The following PLXNA4 variants were observed in gnomAD, a reference collection of about 807,000 sequenced individuals.
PLXNA4 encodes plexin-A4.
A neutral mutation model predicts 191.8 loss-of-function variants in PLXNA4; 44 were observed. That is an observed-to-expected ratio of 0.23 (90% confidence interval 0.18 to 0.29). The LOEUF is 0.29. Among genes scored for constraint, PLXNA4 ranks in the 10% least tolerant of loss-of-function variants. The pLI is 1.00. For synonymous variants in PLXNA4, 1,082 were observed against 1,009.5 expected (o/e 1.07, Z -1.36); for missense variants, 1,800 against 2,488.8 (o/e 0.72, Z 5.89).
intron 3 of PLXNA4, among the ~76,000 whole-genome samples, chr7:132,416,187 G>C (rs144583368): frequency 3.4e-4 from 52 of 152,302 alleles, no homozygotes; most frequent in African/African-American, 1.2e-3. Flanking sequence ...ATGGCAAATA[G>C]AAACACTTTT....
upstream of PLXNA4, among the ~76,000 whole-genome samples, chr7:132,581,777 T>C (rs79579652): frequency 0.038 from 5,812 of 152,158 alleles, 271 homozygotes; most frequent in African/African-American, 0.1. Context: ...GGCACCAAAA[T>C]AACTCCCATG....
intron 15 of PLXNA4, among the ~76,000 whole-genome samples, chr7:132,185,939 T>G (rs1432999698): frequency 6.6e-6 from 1 of 152,244 alleles, no homozygotes; most frequent in Non-Finnish European, 1.5e-5. Context: ...CCATCTGTTT[T>G]CCCTGATGCA....
At chr7:132,199,021 C>T (rs755329388) in intron 12 of PLXNA4, among the ~76,000 whole-genome samples, 143 of 152,314 alleles carry the variant, frequency 9.4e-4, no homozygotes, top group Admixed American at 2.7e-3. Flanking sequence ...TCAGAGCCCC[C>T]TACACCTATG....
At chr7:132,558,605 C>T (rs1237246666) in intron 1 of PLXNA4, among the ~76,000 whole-genome samples, 1 of 152,220 alleles carries the variant, frequency 6.6e-6, no homozygotes, top group African/African-American at 2.4e-5. Flanking sequence ...AAATGAGCTA[C>T]AGCAACTTCA....
chr7:132,588,838 G>A (rs763924031), intron 2 of PLXNA4, among the ~76,000 whole-genome samples: 31 of 150,514 alleles, frequency 2.1e-4, no homozygotes, highest in Non-Finnish European at 3.7e-4. Flanking sequence ...AGGAGGGAAG[G>A]AAGGAAGGAA....
At chr7:132,578,754 C>A (rs1470754053), upstream of PLXNA4, among the ~76,000 whole-genome samples, 6 of 152,184 alleles carry the variant, frequency 3.9e-5, no homozygotes, top group African/African-American at 1.4e-4. Flanking sequence ...CAGGAGACAG[C>A]GTGGAGCCCT....
chr7:132,177,823 C>T (rs1484524222), intron 20 of PLXNA4, among the ~76,000 whole-genome samples: 1 of 152,170 alleles, frequency 6.6e-6, no homozygotes, highest in Non-Finnish European at 1.5e-5. Context: ...TTAACAGTCC[C>T]ACAAGGCGGA....
intron 10 of PLXNA4, among the ~76,000 whole-genome samples, chr7:132,208,689 A>C (rs954786959): frequency 2.6e-5 from 4 of 152,060 alleles, no homozygotes; most frequent in Admixed American, 6.6e-5. Flanking sequence ...CCAGGGGAGG[A>C]GCTATGTCAC....
At chr7:132,262,711 A>G (rs933857629) in intron 4 of PLXNA4, among the ~76,000 whole-genome samples, 4 of 152,142 alleles carry the variant, frequency 2.6e-5, no homozygotes, top group Non-Finnish European at 5.9e-5. Flanking sequence ...GAGAGGCACC[A>G]TCTGCTTTGG....
intron 3 of PLXNA4, among the ~76,000 whole-genome samples, chr7:132,325,304 C>T (rs1326090902): frequency 6.6e-6 from 1 of 152,108 alleles, no homozygotes; most frequent in African/African-American, 2.4e-5. Context: ...TTGTTGATAG[C>T]TGAAAAGCAA....
intron 3 of PLXNA4, among the ~76,000 whole-genome samples, chr7:132,336,567 G>T (rs1336433032): frequency 6.6e-6 from 1 of 152,122 alleles, no homozygotes; most frequent in Non-Finnish European, 1.5e-5. Context: ...AAGAGATGGG[G>T]AAGGAGCACT....
At chr7:132,577,543 C>T (rs1802307153), upstream of PLXNA4, among the ~76,000 whole-genome samples, 1 of 152,136 alleles carries the variant, frequency 6.6e-6, no homozygotes, top group African/African-American at 2.4e-5. Context: ...GGGCAGGGGG[C>T]GCCTCCCTAC....
chr7:132,133,057 T>C lies in PLXNA4; in HGVS notation c.5581A>G (p.Ser1861Gly). The C allele has an allele frequency of 6.8e-6, 11 of 1,613,970 alleles. No homozygotes were observed. Among genetic ancestry groups the C allele is most frequent in the Non-Finnish European group, 9.3e-6 (11 of 1,179,912 alleles). ...AGCAGGGCAAAGCTTACCTCCTCGC[T>C]GTATTTGCCCACATAGGAGAAGATC... The part of the protein sequence containing the change: ...SEIFSYVGKY[S>G]EEILGPLDHD... Residue 1861 changes from serine (S) to glycine (G), a missense_variant, in exon 31 of 32, where the codon AGC becomes GGC. Ser to Gly is a moderately conservative substitution (Grantham distance 56). Around this residue, in one of 6 missense-constraint regions of PLXNA4, gnomAD observed 83 missense variants for 81.6 expected, o/e 1.02. Transcript: ENST00000321063.
intron 3 of PLXNA4, among the ~76,000 whole-genome samples, chr7:132,303,153 G>A (rs1185362499): frequency 2.6e-5 from 4 of 151,912 alleles, no homozygotes; most frequent in South Asian, 4.2e-4. Context: ...GATTACAGGC[G>A]TGAGCCACCA....
intron 4 of PLXNA4, among the ~76,000 whole-genome samples, chr7:132,281,300 A>AT (rs938461060): frequency 2.5e-4 from 37 of 150,798 alleles, no homozygotes; most frequent in South Asian, 1.5e-3. Flanking sequence ...ATAAATCAAG[A>AT]TTTTTTTTTT....
chr7:132,591,498 T>C (rs1038587960), intron 2 of PLXNA4, among the ~76,000 whole-genome samples: 2 of 152,218 alleles, frequency 1.3e-5, no homozygotes, highest in Non-Finnish European at 1.5e-5. Context: ...TATTTATTTT[T>C]CTCATTCTTT....
chr7:132,553,048 T>A (rs1030660313), intron 1 of PLXNA4, among the ~76,000 whole-genome samples: 1 of 152,190 alleles, frequency 6.6e-6, no homozygotes, highest in African/African-American at 2.4e-5. Flanking sequence ...TTCTTCCTAA[T>A]TCTGGTTGCT....
At chr7:132,458,854 C>G (rs963326689) in intron 3 of PLXNA4, among the ~76,000 whole-genome samples, 2 of 152,126 alleles carry the variant, frequency 1.3e-5, no homozygotes, top group African/African-American at 4.8e-5. Flanking sequence ...GTCCCTCTGC[C>G]AAGCCCATCC....
chr7:132,349,373 G>T (rs1803388554), intron 3 of PLXNA4, among the ~76,000 whole-genome samples: 1 of 152,160 alleles, frequency 6.6e-6, no homozygotes, highest in African/African-American at 2.4e-5. Flanking sequence ...GGGGGTAGGG[G>T]GCTGGTGGGG....
Sources: allele counts gnomAD v4.1 joint callset (sites outside exome capture counted in the v4.1 genomes callset), GRCh38; gene constraint gnomAD v4.1.1; regional missense constraint gnomAD v4.1.1; transcripts MANE v1.5; gene names NCBI Gene and HGNC (gene_info 2026-07-23, HGNC 2026-07-21).